Variants in STAM observed in about 807,000 individuals in gnomAD.
STAM encodes signal transducing adaptor molecule.
STAM carries 16 observed loss-of-function variants against 63.4 expected under a neutral mutation model. The ratio of observed to expected loss-of-function variants is 0.25; its 90% CI spans 0.17 to 0.38. STAM has a LOEUF of 0.38. Ranked by LOEUF, STAM falls within the 10% of genes least tolerant of loss-of-function variation. The pLI, the probability that STAM is intolerant of heterozygous loss-of-function variation, is 1.00. For synonymous variants in STAM, 238 were observed against 223.9 expected (o/e 1.06, Z -0.56); for missense variants, 636 against 657.1 (o/e 0.97, Z 0.35).
chr10:17,691,576 A>C (rs1279583206), intron 5 of STAM, among the ~76,000 whole-genome samples: 2 of 152,200 alleles, frequency 1.3e-5, no homozygotes, highest in Non-Finnish European at 2.9e-5. Context: ...CAGTTAAGTG[A>C]GGAATGTAGA....
In STAM at chr10:17,707,358, C is replaced by T. The variant is rs71495283; in HGVS notation, c.1210-1418C>T. Among the ~76,000 whole-genome samples, 72 of 151,920 alleles carry T rather than the reference C, an allele frequency of 4.7e-4. 1 individual carries two copies. The highest frequency in any genetic ancestry group is 1.4e-3 in the Admixed American group (22 of 15,252). On this transcript the variant is annotated intron_variant, in intron 12 of 13. Transcript: ENST00000377524. ...CCGGGAGGCGGAGGTTGCAGTGAGC[C>T]GAGATCGTGCCATTGCACTCCAGCC...
At chr10:17,673,065 C>T (rs1554824257) in intron 2 of STAM, 1 of 984,824 alleles carries the variant, frequency 1.0e-6, no homozygotes, top group East Asian at 1.1e-4. Flanking sequence ...AGGATTTGCC[C>T]ACCCTTTAAA....
chr10:17,645,663 C>T (rs1474483932), intron 1 of STAM, among the ~76,000 whole-genome samples: 1 of 152,070 alleles, frequency 6.6e-6, no homozygotes, highest in Non-Finnish European at 1.5e-5. Context: ...TGAATCTTAG[C>T]AGTGGACAGA....
At chr10:17,686,500 C>A (rs1219268227) in intron 4 of STAM, among the ~76,000 whole-genome samples, 3 of 152,060 alleles carry the variant, frequency 2.0e-5, no homozygotes, top group Admixed American at 6.5e-5. Context: ...CCTCAGCCTC[C>A]TGAGTAGCTG....
At chr10:17,676,181 A>AAGG (rs1331485115) in intron 2 of STAM, among the ~76,000 whole-genome samples, 3 of 152,244 alleles carry the variant, frequency 2.0e-5, no homozygotes, top group Admixed American at 6.5e-5. Flanking sequence ...TTGATTGATT[A>AAGG]AGGAAGGTTC....
At chr10:17,654,120 G>C (rs1010024031) in intron 1 of STAM, among the ~76,000 whole-genome samples, 1 of 152,142 alleles carries the variant, frequency 6.6e-6, no homozygotes, top group Non-Finnish European at 1.5e-5. Context: ...GTTAGCATCA[G>C]AAGTATGCTA....
In STAM at chr10:17,690,795, G is replaced by A. The variant is rs148551088; in HGVS notation, c.445-2427G>A. Among the ~76,000 whole-genome samples the A allele has an allele frequency of 8.6e-3, 1,305 of 152,292 alleles. 8 individuals are homozygous for A. The highest frequency in any genetic ancestry group is 0.013 in the Admixed American group (206 of 15,294). ...ACCTGACTCATACTGATGCAGTTCT[G>A]TTAGCACTAACTTTTGATGTAAAGA... On this transcript the variant is annotated intron_variant, in intron 5 of 13. Transcript: ENST00000377524.
intron 2 of STAM, among the ~76,000 whole-genome samples, chr10:17,669,920 C>T (rs1299987647): frequency 2.9e-5 from 4 of 138,894 alleles, no homozygotes; most frequent in South Asian, 4.5e-4. Flanking sequence ...TTAGTAGACA[C>T]GTGGTTTCAC....
At chr10:17,663,202 G>A (rs559087412) in intron 2 of STAM, among the ~76,000 whole-genome samples, 2 of 152,080 alleles carry the variant, frequency 1.3e-5, no homozygotes, top group Admixed American at 6.5e-5. Flanking sequence ...TAATGTTAAC[G>A]TTATTCTCCC....
In STAM at chr10:17,664,220, A is replaced by G. The variant is rs1049521497; in HGVS notation, c.125+3672A>G. On this transcript the variant is annotated intron_variant, in intron 2 of 13. Transcript: ENST00000377524. ...AATTTTAGGTTTCTTTCAGGTGAGCACTAAACTGTGGGATACTTATGGTGG... is the reference window on the plus strand; with the variant it reads ...AATTTTAGGTTTCTTTCAGGTGAGCGCTAAACTGTGGGATACTTATGGTGG... 2.0e-5 allele frequency among the ~76,000 whole-genome samples: 3 copies of G among 152,212 alleles called. No homozygotes were observed. The East Asian group carries it at 5.8e-4, about 29-fold the overall frequency.
At chr10:17,677,130 G>A (rs1290143993) in intron 2 of STAM, among the ~76,000 whole-genome samples, 4 of 152,082 alleles carry the variant, frequency 2.6e-5, no homozygotes, top group African/African-American at 4.8e-5. Flanking sequence ...CCTTTTAATG[G>A]TTCAGTAGCC....
chr10:17,671,179 A>G lies in STAM; in HGVS notation c.125+10631A>G, dbSNP rs1330090139. 2.6e-5 allele frequency among the ~76,000 whole-genome samples: 4 copies of G among 152,200 alleles called. No homozygotes were observed. The East Asian group carries it at 5.8e-4, about 22-fold the overall frequency. ...ATACTAAGACCTATAAAAGCTATGC[A>G]TGCACATACTCCTCCTTCCTCCAAT... On this transcript the variant is annotated intron_variant, in intron 2 of 13. Transcript: ENST00000377524.
intron 4 of STAM, among the ~76,000 whole-genome samples, chr10:17,686,933 C>G (rs1835317021): frequency 6.6e-6 from 1 of 152,122 alleles, no homozygotes; most frequent in African/African-American, 2.4e-5. Flanking sequence ...GTTATTTCTT[C>G]TCTGGTATCT....
chr10:17,714,621 T>C lies in STAM; in HGVS notation c.1464T>C (p.Ala488=). The change falls in exon 14 of 14, where the codon GCT becomes GCC. Residue 488 remains alanine, a synonymous_variant. Coordinates refer to ENST00000377524, the MANE Select transcript of STAM (RefSeq NM_003473.4). ...PVYSPPPAAT[A]AAATADVTLY... ...ATAGTCCTCCTCCTGCCGCTACTGCTGCTGCTGCAACTGCCGATGTCACTC... is the reference window on the plus strand; with the variant it reads ...ATAGTCCTCCTCCTGCCGCTACTGCCGCTGCTGCAACTGCCGATGTCACTC... 2 of 1,614,180 alleles carry C rather than the reference T, an allele frequency of 1.2e-6. No homozygotes were observed. The highest frequency in any genetic ancestry group is 2.2e-5 in the South Asian group (2 of 91,078).
At chr10:17,697,226 G>C (rs1465031940) in intron 8 of STAM, among the ~76,000 whole-genome samples, 1 of 152,206 alleles carries the variant, frequency 6.6e-6, no homozygotes, top group Non-Finnish European at 1.5e-5. Flanking sequence ...ATCGCACCTG[G>C]CCTAACTTTT....
intron 5 of STAM, among the ~76,000 whole-genome samples, chr10:17,689,705 A>G (rs1423677203): frequency 3.9e-5 from 6 of 152,214 alleles, no homozygotes; most frequent in African/African-American, 1.4e-4. Context: ...TAGAATAGGT[A>G]GAGAAAATGC....
chr10:17,648,740 A>T (rs1833621751), intron 1 of STAM, among the ~76,000 whole-genome samples: 2 of 152,222 alleles, frequency 1.3e-5, no homozygotes, highest in Admixed American at 6.5e-5. Context: ...TTGCCTCTAC[A>T]ATCAGTTCTC....
chr10:17,672,248 T>A (rs1365514833), intron 2 of STAM, among the ~76,000 whole-genome samples: 2 of 152,206 alleles, frequency 1.3e-5, no homozygotes, highest in African/African-American at 4.8e-5. Context: ...TATAAGTAGA[T>A]AGACATTTGT....
In STAM at chr10:17,714,850, T is replaced by C; in HGVS notation, c.*70T>C. 2 of 1,379,444 alleles carry C rather than the reference T, an allele frequency of 1.4e-6. No individual in the cohort carries two copies. The highest frequency in any genetic ancestry group is 2.1e-6 in the Non-Finnish European group (2 of 968,874). 85.5% of individuals were successfully genotyped at this position (1,379,444 alleles called of 1,614,324 possible). A position where few individuals can be genotyped will look rare whatever the true frequency, so the allele number is the denominator to read the frequency against. On this transcript the variant is annotated 3_prime_UTR_variant, in exon 14 of 14. Transcript: ENST00000377524. ...GACAATGTTATGAGATTCATTACTA[T>C]CTTAAGATGTGTTTATCCTCAGCTT...
Sources: gnomAD v4.1 joint callset for allele counts (sites outside exome capture counted in the v4.1 genomes callset) on GRCh38, gnomAD v4.1.1 for gene constraint, MANE v1.5 for transcripts, NCBI Gene and HGNC (gene_info 2026-07-23, HGNC 2026-07-21) for gene names.